The following TENM3 variants were observed in gnomAD, a reference collection of about 807,000 sequenced individuals.
The protein encoded by TENM3 is teneurin transmembrane protein 3.
In TENM3, 63 loss-of-function variants were observed where a neutral mutation model predicts 255.1. That is an observed-to-expected ratio of 0.25 (90% CI 0.20 to 0.30). TENM3 has a LOEUF of 0.30. TENM3 is among the 10% of genes least tolerant of loss of function. TENM3 has a pLI of 1.00. For missense variants in TENM3, 2,929 were observed against 3,461.1 expected (o/e 0.85, Z 3.86); for synonymous variants, 1,306 against 1,322.3 (o/e 0.99, Z 0.27).
chr4:182,418,448 C>A (rs569878453), intron 3 of TENM3, among the ~76,000 whole-genome samples: 1 of 151,898 alleles, frequency 6.6e-6, no homozygotes, highest in Admixed American at 6.6e-5. Flanking sequence ...ATCAAACCTG[C>A]ATGATTGTTG....
At chr4:182,455,177 A>C (rs1236000899) in intron 3 of TENM3, among the ~76,000 whole-genome samples, 1 of 152,212 alleles carries the variant, frequency 6.6e-6, no homozygotes, top group Non-Finnish European at 1.5e-5. Context: ...TTGATCAGAA[A>C]GGACTTATTT....
the TENM3 span, among the ~76,000 whole-genome samples, chr4:181,925,979 A>G: frequency 6.6e-6 from 1 of 152,200 alleles, no homozygotes; most frequent in Non-Finnish European, 1.5e-5. Flanking sequence ...AAGTTTGTAA[A>G]CAGCCTTGTT....
At chr4:182,384,544 G>A (rs1767781035) in intron 3 of TENM3, among the ~76,000 whole-genome samples, 1 of 152,052 alleles carries the variant, frequency 6.6e-6, no homozygotes, top group Admixed American at 6.5e-5. Flanking sequence ...GTGGTACTTT[G>A]GTTCCTTTCC....
chr4:182,047,997 A>T, the TENM3 span, among the ~76,000 whole-genome samples: 4 of 152,128 alleles, frequency 2.6e-5, no homozygotes, highest in Admixed American at 2.0e-4. Context: ...ATTCTACAGG[A>T]GTTTGTGGTT....
At chr4:182,644,043 G>T (rs994555570) in intron 5 of TENM3, among the ~76,000 whole-genome samples, 2 of 152,130 alleles carry the variant, frequency 1.3e-5, no homozygotes, top group Non-Finnish European at 2.9e-5. Context: ...CTCCCAGCAC[G>T]CTACTCTGTG....
At chr4:182,082,420 C>T in the TENM3 span, among the ~76,000 whole-genome samples, 3 of 152,208 alleles carry the variant, frequency 2.0e-5, no homozygotes, top group Admixed American at 6.5e-5. Flanking sequence ...GGGACACAAA[C>T]ATTCAGACCA....
the TENM3 span, among the ~76,000 whole-genome samples, chr4:181,991,639 A>G: frequency 1.3e-5 from 2 of 152,170 alleles, no homozygotes; most frequent in Admixed American, 6.6e-5. Flanking sequence ...CATGAAAAGC[A>G]TTACCTAAAG....
At position 182,702,204 on chromosome 4, in the gene TENM3, A is replaced by T. The variant is rs1383915189; in HGVS notation, c.2222-11883A>T. Among the ~76,000 whole-genome samples, 3 of 152,144 alleles carry T rather than the reference A, an allele frequency of 2.0e-5. No homozygotes were observed. In the East Asian group the frequency reaches 5.8e-4, roughly 29 times the overall value. On this transcript the variant is annotated intron_variant, in intron 12 of 27. Coordinates refer to ENST00000511685, the MANE Select transcript of TENM3 (RefSeq NM_001080477.4). The stretch of plus-strand genomic sequence containing the variant: ...ATGTTGACCAGGAATTGTGCATCTA[A>T]CCAGCAGAGGGTTTGTGAGAGACAA...
In TENM3 at chr4:182,800,730, G is replaced by C. The variant is rs562879804; in HGVS notation, c.*379G>C. 2.4e-5 allele frequency: 4 copies of C among 163,686 alleles called. No individual in the cohort carries two copies. In the South Asian group the frequency reaches 6.9e-4, roughly 28 times the overall value. 10.1% of individuals were successfully genotyped at this position (163,686 alleles called of 1,614,324 possible). A position where few individuals can be genotyped will look rare whatever the true frequency, so the allele number is the denominator to read the frequency against. On this transcript the variant is annotated 3_prime_UTR_variant, in exon 28 of 28. Coordinates refer to ENST00000511685, the MANE Select transcript of TENM3 (RefSeq NM_001080477.4). ...TGTTTCCAAATAGTCCCGAATTGTC[G>C]ACCTTTGCTTACAAGAAGTAGTCTG...
chr4:181,722,764 A>G, the TENM3 span, among the ~76,000 whole-genome samples: 1 of 152,192 alleles, frequency 6.6e-6, no homozygotes, highest in Non-Finnish European at 1.5e-5. Flanking sequence ...TTTATGTTTC[A>G]TGATGATTAA....
At chr4:182,229,731 C>T (rs779419411) in intron 1 of TENM3, among the ~76,000 whole-genome samples, 1 of 152,074 alleles carries the variant, frequency 6.6e-6, no homozygotes, top group African/African-American at 2.4e-5. Context: ...AACTACAGGT[C>T]CTCAGGCATT....
chr4:182,228,438 C>T (rs1408538264), intron 1 of TENM3, among the ~76,000 whole-genome samples: 4 of 140,884 alleles, frequency 2.8e-5, no homozygotes, highest in Non-Finnish European at 4.6e-5. Context: ...TCCAAGGTTG[C>T]ATGTTGGAAA....
the TENM3 span, among the ~76,000 whole-genome samples, chr4:181,947,083 C>T: frequency 3.9e-5 from 6 of 152,190 alleles, no homozygotes; most frequent in South Asian, 4.1e-4. Flanking sequence ...CCATCCTAGC[C>T]GCAGGATAAT....
chr4:182,756,009 A>G (rs1358759753), intron 22 of TENM3, among the ~76,000 whole-genome samples: 1 of 152,220 alleles, frequency 6.6e-6, no homozygotes, highest in Admixed American at 6.5e-5. Context: ...CTTGCTTCCA[A>G]TAGACCTAGC....
chr4:181,492,801 A>C, the TENM3 span, among the ~76,000 whole-genome samples: 1 of 152,314 alleles, frequency 6.6e-6, no homozygotes, highest in Non-Finnish European at 1.5e-5. Context: ...AGATTAGATA[A>C]ACTTTAGTTC....
intron 3 of TENM3, among the ~76,000 whole-genome samples, chr4:182,424,482 A>G (rs1771062529): frequency 6.6e-6 from 1 of 150,678 alleles, no homozygotes; most frequent in Non-Finnish European, 1.5e-5. Flanking sequence ...TTCATTTTTG[A>G]CTATTACTAT....
intron 3 of TENM3, among the ~76,000 whole-genome samples, chr4:182,527,887 C>A (rs1739376643): frequency 1.3e-5 from 2 of 151,988 alleles, no homozygotes; most frequent in Admixed American, 1.3e-4. Flanking sequence ...GCTGCCACGC[C>A]CGGCTAATTT....
At chr4:181,463,348 T>C in the TENM3 span, among the ~76,000 whole-genome samples, 4 of 152,352 alleles carry the variant, frequency 2.6e-5, no homozygotes, top group East Asian at 7.7e-4. Flanking sequence ...ATCTTGCCTG[T>C]TGTATACATT....
the TENM3 span, among the ~76,000 whole-genome samples, chr4:181,581,728 CTTTT>C: frequency 7.2e-6 from 1 of 139,234 alleles, no homozygotes; most frequent in Non-Finnish European, 1.6e-5. Flanking sequence ...TTCCGCTTTA[CTTTT>C]TTTTTTTTTT....
Sources: gnomAD v4.1 joint callset for allele counts (sites outside exome capture counted in the v4.1 genomes callset) on GRCh38, gnomAD v4.1.1 for gene constraint, MANE v1.5 for transcripts, NCBI Gene and HGNC (gene_info 2026-07-23, HGNC 2026-07-21) for gene names.